Variants in SUV39H2 observed in about 807,000 individuals in gnomAD.
The protein encoded by SUV39H2 is SUV39H2 histone lysine methyltransferase.
SUV39H2 carries 10 observed loss-of-function variants against 47.5 expected under a neutral mutation model. The ratio of observed to expected loss-of-function variants is 0.21; its 90% CI spans 0.13 to 0.36. The LOEUF (loss-of-function observed/expected upper bound fraction) is 0.36. Ranked by LOEUF, SUV39H2 falls within the 10% of genes least tolerant of loss-of-function variation. SUV39H2 has a pLI of 1.00. For synonymous variants in SUV39H2, 159 were observed against 166.8 expected (o/e 0.95, Z 0.36); for missense variants, 266 against 487.4 (o/e 0.55, Z 4.28).
chr10:14,894,399 G>A (rs1833497287), intron 2 of SUV39H2, among the ~76,000 whole-genome samples: 1 of 88,414 alleles, frequency 1.1e-5, no homozygotes, highest in Middle Eastern at 8.6e-3. Context: ...ACGGAGTCTC[G>A]CTCTGTCGCC....
intron 1 of SUV39H2, 78 bp from the exon 2 acceptor site, chr10:14,881,422 T>C: frequency 3.3e-6 from 4 of 1,216,206 alleles, no homozygotes; most frequent in Non-Finnish European, 4.2e-6. Flanking sequence ...AGATGGGGAA[T>C]AGAGGTTTTA....
At chr10:14,895,272 G>A (rs575106211) in intron 2 of SUV39H2, among the ~76,000 whole-genome samples, 1 of 151,726 alleles carries the variant, frequency 6.6e-6, no homozygotes, top group South Asian at 2.1e-4. Context: ...CTCCTCCTGG[G>A]TTCAGGCGAT....
chr10:14,893,614 A>G (rs1833466452), intron 2 of SUV39H2, among the ~76,000 whole-genome samples: 2 of 152,194 alleles, frequency 1.3e-5, no homozygotes, highest in Admixed American at 1.3e-4. Flanking sequence ...TCAAAGAGGA[A>G]ATATCTTTTC....
At chr10:14,881,446 T>C in intron 1 of SUV39H2, 54 bp from the exon 2 acceptor site, 2 of 1,324,164 alleles carry the variant, frequency 1.5e-6, no homozygotes, top group Non-Finnish European at 9.7e-7. Flanking sequence ...TTCTCTTTTT[T>C]GTTTTAATTG....
chr10:14,893,455 T>C (rs1833462235), intron 2 of SUV39H2, among the ~76,000 whole-genome samples: 1 of 152,160 alleles, frequency 6.6e-6, no homozygotes, highest in South Asian at 2.1e-4. Context: ...TTATGGATCG[T>C]TTTTGCCACT....
intron 2 of SUV39H2, among the ~76,000 whole-genome samples, chr10:14,885,099 C>T (rs1184030094): frequency 6.6e-6 from 1 of 152,136 alleles, no homozygotes; most frequent in Non-Finnish European, 1.5e-5. Context: ...AGGCCCTGTT[C>T]TTGGCCTTCT....
intron 2 of SUV39H2, among the ~76,000 whole-genome samples, chr10:14,891,451 G>T (rs1229611043): frequency 6.6e-6 from 1 of 152,186 alleles, no homozygotes; most frequent in African/African-American, 2.4e-5. Flanking sequence ...AACTGGTTTT[G>T]TGGATTTTTT....
chr10:14,883,178 C>G (rs987220232), intron 2 of SUV39H2, among the ~76,000 whole-genome samples: 1 of 152,046 alleles, frequency 6.6e-6, no homozygotes, highest in Admixed American at 6.6e-5. Context: ...GACTTTTTTT[C>G]TTCTCTGATG....
chr10:14,903,854 C>T lies in SUV39H2; in HGVS notation c.*1342C>T, dbSNP rs1834178843. On this transcript the variant is annotated 3_prime_UTR_variant, in exon 6 of 6. Coordinates refer to ENST00000354919, the MANE Select transcript of SUV39H2 (RefSeq NM_001193424.2). ...TAAAATAAGCTTGGATAAAATTGAA[C>T]CAACTTCAAGAATGCAGCACTTCTT... 6.6e-6 allele frequency: 1 copy of T among 152,148 alleles called. No homozygotes were observed. Among genetic ancestry groups the T allele is most frequent in the Non-Finnish European group, 1.5e-5 (1 of 68,030 alleles). The allele number at this position is 152,148 out of a possible 1,614,324, so 9.4% of individuals were successfully genotyped here. A position where few individuals can be genotyped will look rare whatever the true frequency, so the allele number is the denominator to read the frequency against.
intron 2 of SUV39H2, among the ~76,000 whole-genome samples, chr10:14,893,282 C>T: frequency 6.6e-6 from 1 of 151,950 alleles, no homozygotes; most frequent in Non-Finnish European, 1.5e-5. Context: ...GGATTACAGG[C>T]GTGAGCCACC....
chr10:14,886,743 C>A (rs1035205211), intron 2 of SUV39H2, among the ~76,000 whole-genome samples: 3 of 152,226 alleles, frequency 2.0e-5, no homozygotes, highest in Non-Finnish European at 4.4e-5. Context: ...GAAACTCCCT[C>A]ACTATAAAGA....
intron 2 of SUV39H2, among the ~76,000 whole-genome samples, 174 bp from the exon 3 acceptor site, chr10:14,896,672 T>C (rs893918273): frequency 3.3e-5 from 5 of 152,196 alleles, no homozygotes; most frequent in Admixed American, 2.0e-4. Flanking sequence ...TAAGGAAAAA[T>C]AGTTTTATTT....
intron 4 of SUV39H2, among the ~76,000 whole-genome samples, chr10:14,900,611 T>C (rs1008760990): frequency 2.0e-5 from 3 of 152,226 alleles, no homozygotes; most frequent in South Asian, 2.1e-4. Flanking sequence ...CACTACATCT[T>C]TTTTCTTGCA....
intron 2 of SUV39H2, among the ~76,000 whole-genome samples, chr10:14,886,878 GC>G (rs1330376610): frequency 1.3e-5 from 2 of 152,234 alleles, no homozygotes; most frequent in African/African-American, 4.8e-5. Flanking sequence ...GTCACAGAAA[GC>G]TTCCCAGAAG....
Position 14,881,662 on chromosome 10 carries a change from G to C in SUV39H2, c.177+17G>C. Reference sequence around the variant, plus strand: ...GTAGTAAAGGTAAGGCAAATATCTAGCCCCTTACAAGAGACCTAATCAGAC... The same window carrying C: ...GTAGTAAAGGTAAGGCAAATATCTACCCCCTTACAAGAGACCTAATCAGAC... On this transcript the variant is annotated intron_variant, in intron 2 of 5. Transcript: ENST00000354919. 2.0e-6 allele frequency: 3 copies of C among 1,522,642 alleles called. No individual in the cohort carries two copies. The South Asian group carries it at 4.0e-5, about 20-fold the overall frequency. 94.3% of individuals were successfully genotyped at this position (1,522,642 alleles called of 1,614,324 possible).
At chr10:14,886,682 C>A (rs1833220101) in intron 2 of SUV39H2, among the ~76,000 whole-genome samples, 1 of 152,192 alleles carries the variant, frequency 6.6e-6, no homozygotes, top group South Asian at 2.1e-4. Flanking sequence ...ATTTGAGTTT[C>A]TTCTGTGTGC....
At chr10:14,882,289 T>G (rs1833061020) in intron 2 of SUV39H2, among the ~76,000 whole-genome samples, 1 of 152,248 alleles carries the variant, frequency 6.6e-6, no homozygotes, top group South Asian at 2.1e-4. Flanking sequence ...AAGAACTGTT[T>G]TGGTCATTAA....
chr10:14,898,043 T>A (rs1833710327), intron 3 of SUV39H2: 1 of 151,504 alleles, frequency 6.6e-6, no homozygotes, highest in South Asian at 2.1e-4. Flanking sequence ...TTCTCAAAAC[T>A]ACCATACAAA....
Position 14,901,409 on chromosome 10 carries a change from C to T in SUV39H2, c.1126+147C>T. The T allele has an allele frequency of 3.0e-6, 3 of 1,016,394 alleles. No homozygotes were observed. In the East Asian group the frequency reaches 7.9e-5, roughly 27 times the overall value. The allele number at this position is 1,016,394 out of a possible 1,614,324, so 63.0% of individuals were successfully genotyped here. On this transcript the variant is annotated intron_variant, in intron 5 of 5. Coordinates refer to ENST00000354919, the MANE Select transcript of SUV39H2 (RefSeq NM_001193424.2). ...AAGTTTGTCATCCTAAGGTACAAAG[C>T]TAATCCAACAGCTAATACTAGAACC...
Sources: allele counts gnomAD v4.1 joint callset (sites outside exome capture counted in the v4.1 genomes callset), GRCh38; gene constraint gnomAD v4.1.1; transcripts MANE v1.5; gene names NCBI Gene and HGNC (gene_info 2026-07-23, HGNC 2026-07-21).